Variants in SUSD4 observed in about 807,000 individuals in gnomAD.
SUSD4 encodes the protein sushi domain containing 4.
In SUSD4, 41 loss-of-function variants were observed where a neutral mutation model predicts 50.5. The ratio of observed to expected loss-of-function variants is 0.81; its 90% confidence interval spans 0.63 to 1.05. The LOEUF (loss-of-function observed/expected upper bound fraction) is 1.05. SUSD4 is among the 50% of genes least tolerant of loss of function. The probability of loss-of-function intolerance (pLI) is 0.00; values close to 1 mark genes in which losing one functional copy is unlikely to be tolerated. For synonymous variants in SUSD4, 257 were observed against 257.3 expected (o/e 1.00, Z 0.01); for missense variants, 580 against 634.7 (o/e 0.91, Z 0.93).
intron 7 of SUSD4, among the ~76,000 whole-genome samples, chr1:223,224,955 C>T (rs548447617): frequency 3.3e-5 from 5 of 149,844 alleles, no homozygotes; most frequent in African/African-American, 9.9e-5. Flanking sequence ...CTGAAACCTC[C>T]GCCTCCCAGG....
At chr1:223,299,324 CA>C (rs1003112543) in intron 2 of SUSD4, among the ~76,000 whole-genome samples, 25 of 152,172 alleles carry the variant, frequency 1.6e-4, no homozygotes, top group Non-Finnish European at 2.8e-4. Context: ...TCTCAAAGTC[CA>C]AACCTATTTC....
intron 3 of SUSD4, among the ~76,000 whole-genome samples, chr1:223,291,229 A>T (rs949946018): frequency 2.6e-5 from 4 of 152,138 alleles, no homozygotes; most frequent in Admixed American, 2.6e-4. Context: ...GCCGTGGCTC[A>T]TGCCTGTAAT....
At chr1:223,321,983 T>C (rs910581746) in intron 2 of SUSD4, among the ~76,000 whole-genome samples, 1 of 152,218 alleles carries the variant, frequency 6.6e-6, no homozygotes, top group Non-Finnish European at 1.5e-5. Flanking sequence ...AGTTACCGAT[T>C]GAGCATCCCA....
Position 223,231,042 on chromosome 1 carries a change from C to T in SUSD4, c.725-1654G>A, listed in dbSNP as rs1256875276. ...CCCCAAGATTAGTGAGAGCAGGAAG[C>T]CACTACCGCTCCTGGGCTGGTGGGA... On this transcript the variant is annotated intron_variant, in intron 5 of 8. Coordinates refer to ENST00000366878, the MANE Select transcript of SUSD4 (RefSeq NM_017982.4). This position sits in a 1 kb window ranked among gnomAD's most constrained non-coding sequence, Gnocchi z 4.2. Among the ~76,000 whole-genome samples, 1 of 152,144 alleles carries T rather than the reference C, an allele frequency of 6.6e-6. No homozygotes were observed. Among genetic ancestry groups the T allele is most frequent in the East Asian group, 1.9e-4 (1 of 5,188 alleles).
intron 2 of SUSD4, among the ~76,000 whole-genome samples, chr1:223,346,823 C>T (rs934319764): frequency 5.3e-5 from 8 of 152,140 alleles, no homozygotes; most frequent in Non-Finnish European, 1.0e-4. Flanking sequence ...ACATTTCTTG[C>T]TATATTGCTG....
intron 5 of SUSD4, among the ~76,000 whole-genome samples, chr1:223,233,520 C>T (rs1660024287): frequency 6.6e-6 from 1 of 152,158 alleles, no homozygotes; most frequent in Admixed American, 6.5e-5. Context: ...CTACACCTTC[C>T]CTAACAGACA....
chr1:223,270,229 G>A (rs1342104090), intron 3 of SUSD4, among the ~76,000 whole-genome samples: 4 of 152,152 alleles, frequency 2.6e-5, no homozygotes, highest in African/African-American at 9.7e-5. Context: ...GCCCAGGTCT[G>A]CCCTTATCTC....
In SUSD4 at chr1:223,268,500, A is replaced by T. The variant is rs1291739157; in HGVS notation, c.535+2T>A. 6.2e-7 allele frequency: 1 copy of T among 1,612,670 alleles called. No homozygotes were observed. Among genetic ancestry groups the T allele is most frequent in the East Asian group, 2.2e-5 (1 of 44,876 alleles). ...CTGAGAACTGAAGCATCAGTCCCGT[A>T]CCTTGACAGATGGGCAGATTATTCC... On this transcript the variant is annotated splice_donor_variant, in intron 4 of 8. Coordinates refer to ENST00000366878, the MANE Select transcript of SUSD4 (RefSeq NM_017982.4). LOFTEE classifies it high-confidence loss of function.
At position 223,227,469 on chromosome 1, in the gene SUSD4, G is replaced by T; in HGVS notation, c.1061+125C>A. On this transcript the variant is annotated intron_variant, in intron 7 of 8. Transcript: ENST00000366878. This position sits in a 1 kb window ranked among gnomAD's most constrained non-coding sequence, Gnocchi z 4.5. The stretch of plus-strand genomic sequence containing the variant: ...TGTGCTCAAAACATCCCAGAACATT[G>T]TTTTTGCTCTCCCCTGTTTCCCTTT... 7.7e-7 allele frequency: 1 copy of T among 1,296,614 alleles called. No homozygotes were observed. The highest frequency in any genetic ancestry group is 1.1e-6 in the Non-Finnish European group (1 of 951,366). 80.3% of individuals were successfully genotyped at this position (1,296,614 alleles called of 1,614,324 possible). A position where few individuals can be genotyped will look rare whatever the true frequency, so the allele number is the denominator to read the frequency against.
chr1:223,228,930 C>G (rs181093438), intron 6 of SUSD4, among the ~76,000 whole-genome samples: 2 of 151,680 alleles, frequency 1.3e-5, no homozygotes, highest in African/African-American at 4.8e-5. Flanking sequence ...TACTCCTGAC[C>G]CTCTGAATAG....
intron 8 of SUSD4, among the ~76,000 whole-genome samples, chr1:223,223,014 AT>A (rs1254177177): frequency 6.6e-6 from 1 of 152,188 alleles, no homozygotes; most frequent in Non-Finnish European, 1.5e-5. Context: ...GCCTCTTGAA[AT>A]TTCCATTAAT....
intron 5 of SUSD4, among the ~76,000 whole-genome samples, chr1:223,239,383 T>A (rs1660427694): frequency 6.6e-6 from 1 of 152,068 alleles, no homozygotes; most frequent in Admixed American, 6.5e-5. Context: ...TGTGTTATCG[T>A]TTTTTGTTTG....
chr1:223,224,494 A>T (rs762914626), intron 7 of SUSD4, among the ~76,000 whole-genome samples: 3 of 152,208 alleles, frequency 2.0e-5, no homozygotes, highest in African/African-American at 4.8e-5. Flanking sequence ...GAAAAAGAAA[A>T]AGGAAAGAAG....
intron 2 of SUSD4, among the ~76,000 whole-genome samples, chr1:223,336,751 G>C (rs879799266): frequency 6.6e-6 from 1 of 152,028 alleles, no homozygotes; most frequent in Admixed American, 6.6e-5. Flanking sequence ...GATGTTCCAA[G>C]TGTGCTTGGA....
chr1:223,263,953 T>C (rs1662300079), intron 5 of SUSD4: 1 of 985,294 alleles, frequency 1.0e-6, no homozygotes, highest in Admixed American at 6.2e-5. Context: ...TGGAGCTTGT[T>C]CTCTTCGGGC....
intron 2 of SUSD4, among the ~76,000 whole-genome samples, chr1:223,322,397 T>C (rs1202830373): frequency 1.3e-5 from 2 of 152,228 alleles, no homozygotes; most frequent in Non-Finnish European, 2.9e-5. Context: ...TCGTGTCCTA[T>C]TTATCTAACT....
At chr1:223,309,643 T>A (rs1422041017) in intron 2 of SUSD4, among the ~76,000 whole-genome samples, 1 of 152,164 alleles carries the variant, frequency 6.6e-6, no homozygotes, top group Non-Finnish European at 1.5e-5. Context: ...CTTGTCTCAT[T>A]CTCCAAACTA....
chr1:223,263,997 A>T, intron 5 of SUSD4: 1 of 985,472 alleles, frequency 1.0e-6, no homozygotes. Context: ...GCAAGAGCTG[A>T]ACCAGCATGT....
intron 2 of SUSD4, among the ~76,000 whole-genome samples, chr1:223,330,719 A>G (rs779815794): frequency 1.3e-5 from 2 of 152,256 alleles, no homozygotes; most frequent in African/African-American, 2.4e-5. Context: ...GTTCAAGTAC[A>G]GTGGAGACAA....
Sources: allele counts gnomAD v4.1 joint callset (sites outside exome capture counted in the v4.1 genomes callset), GRCh38; gene constraint gnomAD v4.1.1; non-coding constraint Gnocchi (gnomAD v3.1); transcripts MANE v1.5; gene names NCBI Gene and HGNC (gene_info 2026-07-23, HGNC 2026-07-21).